The following C1QTNF9 variants were observed in gnomAD, a reference collection of about 807,000 sequenced individuals.
C1QTNF9 encodes the protein complement C1q and tumor necrosis factor-related protein 9A.
In C1QTNF9, 6 loss-of-function variants were observed where a neutral mutation model predicts 10.1. That is an observed-to-expected ratio of 0.59 (90% CI 0.32 to 1.17). C1QTNF9 has a LOEUF of 1.17. Among genes scored for constraint, C1QTNF9 ranks in the 50% most tolerant of loss-of-function variants. The pLI, the probability that C1QTNF9 is intolerant of heterozygous loss-of-function variation, is 0.04. For missense variants in C1QTNF9, 201 were observed against 418.8 expected (o/e 0.48, Z 4.54); for synonymous variants, 98 against 163.5 (o/e 0.60, Z 3.06).
intron 1 of C1QTNF9, among the ~76,000 whole-genome samples, chr13:24,315,000 A>T (rs1877973697): frequency 6.6e-6 from 1 of 152,008 alleles, no homozygotes. Flanking sequence ...GGAATGCTTT[A>T]CTTTTTTAAA....
At chr13:24,314,653 CA>C (rs1297375455) in intron 1 of C1QTNF9, among the ~76,000 whole-genome samples, 6 of 152,094 alleles carry the variant, frequency 3.9e-5, no homozygotes, top group African/African-American at 1.4e-4. Context: ...GCTTGGGCCA[CA>C]AGGGCGAAAC....
exon 4 of C1QTNF9, chr13:24,321,924 T>C: frequency 1.9e-6 from 2 of 1,030,574 alleles, no homozygotes; most frequent in Non-Finnish European, 2.6e-6. Flanking sequence ...TCTGTGTAAC[T>C]TACTATTTTT....
At chr13:24,309,283 T>TTATATATATATATATATATATATATA (rs72150411), upstream of C1QTNF9, among the ~76,000 whole-genome samples, 836 of 67,182 alleles carry the variant, frequency 0.012, 49 homozygotes, top group Non-Finnish European at 0.016. Flanking sequence ...ACTTAAAGTA[T>TTATATATATATATATATATATATATA]TATATATATA....
At chr13:24,318,131 C>T (rs2138809237) in intron 2 of C1QTNF9, among the ~76,000 whole-genome samples, 1 of 152,254 alleles carries the variant, frequency 6.6e-6, no homozygotes, top group Middle Eastern at 3.4e-3. Flanking sequence ...GCCCAATGAG[C>T]ACTCTACTGC....
At chr13:24,317,945 G>T (rs1432681516) in intron 2 of C1QTNF9, among the ~76,000 whole-genome samples, 1 of 152,064 alleles carries the variant, frequency 6.6e-6, no homozygotes, top group Non-Finnish European at 1.5e-5. Context: ...ACTCAGGAGC[G>T]CTGGTGTCCC....
At chr13:24,320,844 C>G (rs1157982309) in intron 3 of C1QTNF9, 152 bp from the exon 4 acceptor site, 5 of 646,338 alleles carry the variant, frequency 7.7e-6, no homozygotes, top group African/African-American at 5.3e-5. Context: ...AGCCACTGCA[C>G]CCAGATGGAG....
At chr13:24,313,858 C>T (rs1364862264) in intron 1 of C1QTNF9, among the ~76,000 whole-genome samples, 1 of 152,184 alleles carries the variant, frequency 6.6e-6, no homozygotes, top group African/African-American at 2.4e-5. Flanking sequence ...GTCGTAAGTA[C>T]ATTTATAATG....
At chr13:24,320,338 G>A (rs1878203531) in intron 3 of C1QTNF9, among the ~76,000 whole-genome samples, 2 of 152,202 alleles carry the variant, frequency 1.3e-5, no homozygotes, top group South Asian at 4.1e-4. Flanking sequence ...TGGGATGTGT[G>A]TGTGTCCATG....
chr13:24,319,855 G>A (rs1360880098), intron 3 of C1QTNF9, among the ~76,000 whole-genome samples: 5 of 152,168 alleles, frequency 3.3e-5, no homozygotes, highest in South Asian at 2.1e-4. Flanking sequence ...ATCCCCAGAC[G>A]CTAGGTAGTT....
intron 3 of C1QTNF9, among the ~76,000 whole-genome samples, chr13:24,320,774 C>G (rs1490666634): frequency 6.6e-6 from 1 of 150,938 alleles, no homozygotes; most frequent in Non-Finnish European, 1.5e-5. Flanking sequence ...TGGTCTTGAA[C>G]TCTTGGCCTC....
At chr13:24,308,244 C>G (rs1317468991), upstream of C1QTNF9, among the ~76,000 whole-genome samples, 2 of 152,152 alleles carry the variant, frequency 1.3e-5, no homozygotes, top group African/African-American at 4.8e-5. Context: ...GCGCGGGAAG[C>G]GGGGAAGGGC....
chr13:24,314,189 A>G (rs752819653), intron 1 of C1QTNF9, among the ~76,000 whole-genome samples: 3 of 152,180 alleles, frequency 2.0e-5, no homozygotes, highest in African/African-American at 4.8e-5. Flanking sequence ...GCACTGTGAG[A>G]GGATCTGGGT....
In C1QTNF9 at chr13:24,318,888, G is replaced by C. The variant is rs369453137; in HGVS notation, c.229+8G>C. Reference sequence around the variant, plus strand: ...GAGAGAAGGGAGAACGAGGTTAGTAGTTCCTATTTATGGTGCTCTAATTCT... The same window carrying C: ...GAGAGAAGGGAGAACGAGGTTAGTACTTCCTATTTATGGTGCTCTAATTCT... On this transcript the variant is annotated splice_region_variant and intron_variant, in intron 3 of 3. Coordinates refer to ENST00000332018, the Ensembl canonical transcript of C1QTNF9. 1 of 1,614,078 alleles carries C rather than the reference G, an allele frequency of 6.2e-7. No individual in the cohort carries two copies. Among genetic ancestry groups the C allele is most frequent in the South Asian group, 1.1e-5 (1 of 91,084 alleles).
chr13:24,309,337 C>G (rs1387387493), upstream of C1QTNF9, among the ~76,000 whole-genome samples: 1 of 131,984 alleles, frequency 7.6e-6, no homozygotes, highest in African/African-American at 2.9e-5. Context: ...GCACTCCTTC[C>G]TTCAGACTCC....
At chr13:24,315,560 T>C (rs566716204) in intron 1 of C1QTNF9, among the ~76,000 whole-genome samples, 23 of 152,212 alleles carry the variant, frequency 1.5e-4, no homozygotes, top group African/African-American at 5.5e-4. Flanking sequence ...GTGGAATTGC[T>C]GGATCAGATG....
Position 24,315,674 on chromosome 13 carries a change from G to GTAAGATAA in C1QTNF9, c.-22-308_-22-307insTAAGATAA, listed in dbSNP as rs1593533519. The GTAAGATAA allele has an allele frequency of 1.3e-5, 6 of 477,382 alleles. No individual in the cohort carries two copies. In the East Asian group the frequency reaches 1.8e-4, roughly 15 times the overall value. 29.6% of individuals were successfully genotyped at this position (477,382 alleles called of 1,614,324 possible). A position where few individuals can be genotyped will look rare whatever the true frequency, so the allele number is the denominator to read the frequency against. ...GTGAGATAAGTAAGCATTGATCTCTGGTTCAGAAAAGTGATTTCTTCAAAG... is the reference window on the plus strand; with the variant it reads ...GTGAGATAAGTAAGCATTGATCTCTGTAAGATAAGTTCAGAAAAGTGATTTCTTCAAAG... On this transcript the variant is annotated intron_variant, in intron 1 of 3. Transcript: ENST00000332018.
intron 2 of C1QTNF9, among the ~76,000 whole-genome samples, chr13:24,318,166 G>C (rs1287362336): frequency 6.6e-6 from 1 of 152,156 alleles, no homozygotes; most frequent in African/African-American, 2.4e-5. Flanking sequence ...CCTTCAACCT[G>C]CTGACGGATA....
At position 24,314,926 on chromosome 13, in the gene C1QTNF9, A is replaced by G. The variant is rs917035603; in HGVS notation, c.-22-1056A>G. Among the ~76,000 whole-genome samples the G allele has an allele frequency of 7.0e-5, 10 of 142,326 alleles. 1 individual carries two copies. The highest frequency in any genetic ancestry group is 1.4e-4 in the Non-Finnish European group (9 of 64,152). 93.4% of individuals were successfully genotyped at this position (142,326 alleles called of 152,430 possible). ...TTCCGTGTGTGTGGCCCTTCTTCAC[A>G]GTGGCCTCCTAGAAAAACAAGACCC... On this transcript the variant is annotated intron_variant, in intron 1 of 3. Coordinates refer to ENST00000332018, the Ensembl canonical transcript of C1QTNF9.
Position 24,319,630 on chromosome 13 carries a change from GA to G in C1QTNF9, c.229+752del, listed in dbSNP as rs1322657153. Among the ~76,000 whole-genome samples, 6 of 152,328 alleles carry G rather than the reference GA, an allele frequency of 3.9e-5. No individual in the cohort carries two copies. In the East Asian group the frequency reaches 1.2e-3, roughly 29 times the overall value. ...TTGTTTAGCTTGCGGGAGGGAGGCTGAATTTGGCCTGTGGCTGTAGTTTGTT... is the reference window on the plus strand; with the variant it reads ...TTGTTTAGCTTGCGGGAGGGAGGCTGATTTGGCCTGTGGCTGTAGTTTGTT... On this transcript the variant is annotated intron_variant, in intron 3 of 3. Transcript: ENST00000332018.
Sources: allele counts gnomAD v4.1 joint callset (sites outside exome capture counted in the v4.1 genomes callset), GRCh38; gene constraint gnomAD v4.1.1; transcripts MANE v1.5; gene names NCBI Gene and HGNC (gene_info 2026-07-23, HGNC 2026-07-21).